The following PDE4D variants were observed in gnomAD, a reference collection of about 807,000 sequenced individuals.
PDE4D encodes phosphodiesterase 4D, also known as 3',5'-cyclic-AMP phosphodiesterase 4D.
A neutral mutation model predicts 87.4 loss-of-function variants in PDE4D; 24 were observed. The observed-to-expected ratio is 0.27, with a 90% confidence interval of 0.20 to 0.39. PDE4D has a LOEUF of 0.39. PDE4D is among the 10% of genes least tolerant of loss of function. The pLI, the probability that PDE4D is intolerant of heterozygous loss-of-function variation, is 1.00. For missense variants in PDE4D, 714 were observed against 1,041.0 expected (o/e 0.69, Z 4.32); for synonymous variants, 384 against 383.2 (o/e 1.00, Z -0.02).
intron 1 of PDE4D, among the ~76,000 whole-genome samples, chr5:60,452,045 G>A (rs1345978148): frequency 6.6e-6 from 1 of 151,954 alleles, no homozygotes; most frequent in Non-Finnish European, 1.5e-5. Context: ...TTTAAGGGAT[G>A]GTTCAATTAA....
At chr5:59,691,899 G>A (rs1751016209) in intron 1 of PDE4D, among the ~76,000 whole-genome samples, 1 of 152,052 alleles carries the variant, frequency 6.6e-6, no homozygotes, top group Non-Finnish European at 1.5e-5. Context: ...TCATAGGGGT[G>A]AGATAGGAAA....
intron 2 of PDE4D, among the ~76,000 whole-genome samples, chr5:59,205,520 G>C (rs1363994355): frequency 6.6e-6 from 1 of 151,990 alleles, no homozygotes; most frequent in East Asian, 1.9e-4. Flanking sequence ...AGACTATTCT[G>C]AAGGCACATA....
At chr5:60,135,983 C>T (rs1201002026) in intron 2 of PDE4D, among the ~76,000 whole-genome samples, 1 of 152,122 alleles carries the variant, frequency 6.6e-6, no homozygotes, top group Admixed American at 6.6e-5. Flanking sequence ...GAAGAACACA[C>T]TCTGGGAAAC....
At chr5:58,995,733 T>G (rs1225749162) in intron 6 of PDE4D, among the ~76,000 whole-genome samples, 2 of 152,192 alleles carry the variant, frequency 1.3e-5, no homozygotes, top group Admixed American at 6.5e-5. Context: ...ACCATAAAAA[T>G]AGTTACTTAA....
chr5:59,306,567 A>G (rs1345886331), intron 1 of PDE4D, among the ~76,000 whole-genome samples: 1 of 152,200 alleles, frequency 6.6e-6, no homozygotes, highest in Non-Finnish European at 1.5e-5. Flanking sequence ...CACCAATAAC[A>G]GACAAACAGA....
chr5:60,259,462 A>G (rs1291930804), intron 1 of PDE4D, among the ~76,000 whole-genome samples: 1 of 152,086 alleles, frequency 6.6e-6, no homozygotes, highest in Non-Finnish European at 1.5e-5. Flanking sequence ...GAAAGAAGCC[A>G]GTAAGAACCA....
upstream of PDE4D, among the ~76,000 whole-genome samples, chr5:59,896,878 A>G (rs2152759404): frequency 6.6e-6 from 1 of 152,330 alleles, no homozygotes; most frequent in Admixed American, 6.5e-5. Flanking sequence ...CTTCTCATTA[A>G]TCTAGGTATT....
chr5:59,235,809 C>T (rs1326850610), intron 1 of PDE4D, among the ~76,000 whole-genome samples: 1 of 152,042 alleles, frequency 6.6e-6, no homozygotes, highest in Non-Finnish European at 1.5e-5. Context: ...CATTTTGGTA[C>T]TCTTGTTAAT....
intron 2 of PDE4D, among the ~76,000 whole-genome samples, chr5:60,012,151 C>T (rs992225826): frequency 2.0e-5 from 3 of 152,046 alleles, no homozygotes; most frequent in Admixed American, 1.3e-4. Flanking sequence ...AAAAATTACT[C>T]CCTATCAATG....
At position 59,126,917 on chromosome 5, in the gene PDE4D, G is replaced by A. The variant is rs185243940; in HGVS notation, c.808+53678C>T. 1.2e-3 allele frequency among the ~76,000 whole-genome samples: 176 copies of A among 152,202 alleles called. 1 individual carries two copies. The highest frequency in any genetic ancestry group is 4.0e-3 in the African/African-American group (167 of 41,522). On this transcript the variant is annotated intron_variant, in intron 5 of 14. Coordinates refer to ENST00000340635, the MANE Select transcript of PDE4D (RefSeq NM_001104631.2). ...CTGGCGGTGGGTGGAGAGTTAGAGTGGAACAATTAGGAGTGGGAAAGAGAA... is the reference window on the plus strand; with the variant it reads ...CTGGCGGTGGGTGGAGAGTTAGAGTAGAACAATTAGGAGTGGGAAAGAGAA...
chr5:59,397,267 C>G lies in PDE4D; in HGVS notation c.456-181299G>C, dbSNP rs1301749408. 2.4e-5 allele frequency among the ~76,000 whole-genome samples: 3 copies of G among 122,858 alleles called. 1 individual carries two copies. Among genetic ancestry groups the G allele is most frequent in the East Asian group, 2.6e-4 (1 of 3,854 alleles). The allele number at this position is 122,858 out of a possible 152,430, so 80.6% of individuals were successfully genotyped here. ...TACAGAACTCTCCACTCCAAATCAACAGAATATACATTTTTTTCAGCACCA... is the reference window on the plus strand; with the variant it reads ...TACAGAACTCTCCACTCCAAATCAAGAGAATATACATTTTTTTCAGCACCA... On this transcript the variant is annotated intron_variant, in intron 1 of 14. Transcript: ENST00000340635.
Position 59,065,065 on chromosome 5 carries a change from TATACACACACACACACACACACACAC to T in PDE4D, c.809-26120_809-26095del, listed in dbSNP as rs1295844364. 5.3e-3 allele frequency among the ~76,000 whole-genome samples: 56 copies of T among 10,520 alleles called. No homozygotes were observed. The East Asian group carries it at 0.13, about 24-fold the overall frequency. The allele number at this position is 10,520 out of a possible 152,430, so 6.9% of individuals were successfully genotyped here. ...ATGGACAAAGGAAATGTGATATATA[TATACACACACACACACACACACACAC>T]ACACACACACACACACACACACACA... On this transcript the variant is annotated intron_variant, in intron 5 of 14. Transcript: ENST00000340635.
chr5:59,684,853 T>G (rs1350966724), intron 1 of PDE4D, among the ~76,000 whole-genome samples: 1 of 152,218 alleles, frequency 6.6e-6, no homozygotes, highest in Non-Finnish European at 1.5e-5. Flanking sequence ...CCATATGCCT[T>G]TGGCTAGCCC....
intron 1 of PDE4D, among the ~76,000 whole-genome samples, chr5:59,470,340 G>T (rs1017989545): frequency 6.6e-6 from 1 of 152,060 alleles, no homozygotes; most frequent in Non-Finnish European, 1.5e-5. Context: ...ATTGGTCTGT[G>T]CCACTAACCA....
chr5:58,979,896 T>C (rs897675281), intron 11 of PDE4D, among the ~76,000 whole-genome samples: 2 of 152,182 alleles, frequency 1.3e-5, no homozygotes, highest in African/African-American at 4.8e-5. Flanking sequence ...CCCTACAAAA[T>C]ATTAAAGGTT....
chr5:59,777,287 T>C lies in PDE4D; in HGVS notation c.455+115881A>G, dbSNP rs141323834. ...ATTTCACCCTCCTCTGCAATTGGTG[T>C]ATCTCCAAATGTAAAAGACATAACC... On this transcript the variant is annotated intron_variant, in intron 1 of 14. Transcript: ENST00000340635. Among the ~76,000 whole-genome samples the C allele has an allele frequency of 1.8e-3, 277 of 152,302 alleles. 1 individual carries two copies. The highest frequency in any genetic ancestry group is 6.0e-3 in the African/African-American group (251 of 41,570).
At chr5:59,604,581 C>T (rs1827936355) in intron 1 of PDE4D, among the ~76,000 whole-genome samples, 1 of 151,812 alleles carries the variant, frequency 6.6e-6, no homozygotes, top group Admixed American at 6.6e-5. Flanking sequence ...TAGAGTAAGA[C>T]CAATAACCCA....
At chr5:59,473,806 ATAAAG>A (rs1382507174) in intron 1 of PDE4D, among the ~76,000 whole-genome samples, 1 of 152,196 alleles carries the variant, frequency 6.6e-6, no homozygotes, top group Non-Finnish European at 1.5e-5. Flanking sequence ...TAAGGAAGCC[ATAAAG>A]TAAACTATCA....
At chr5:60,042,858 T>G (rs1464286897) in intron 2 of PDE4D, among the ~76,000 whole-genome samples, 3 of 151,944 alleles carry the variant, frequency 2.0e-5, no homozygotes, top group Admixed American at 6.5e-5. Flanking sequence ...GTGCAAAAAG[T>G]CTTAAAATTA....
Sources: allele counts gnomAD v4.1 joint callset (sites outside exome capture counted in the v4.1 genomes callset), GRCh38; gene constraint gnomAD v4.1.1; transcripts MANE v1.5; gene names NCBI Gene and HGNC (gene_info 2026-07-23, HGNC 2026-07-21).